Variants in LHFPL3 observed in about 807,000 individuals in gnomAD.
LHFPL3 encodes the protein LHFPL tetraspan subfamily member 3 protein.
LHFPL3 carries 5 observed loss-of-function variants against 19.3 expected under a neutral mutation model. The observed-to-expected ratio is 0.26, with a 90% CI of 0.14 to 0.54. LHFPL3 has a LOEUF of 0.54. Ranked by LOEUF, LHFPL3 falls within the 20% of genes least tolerant of loss-of-function variation. LHFPL3 has a pLI of 0.94. For missense variants in LHFPL3, 249 were observed against 307.4 expected, an observed-to-expected ratio of 0.81 and a Z score of 1.42; for synonymous variants, 133 against 126.2, an observed-to-expected ratio of 1.05 and a Z score of -0.36.
At chr7:104,629,826 G>C (rs1353309877) in intron 1 of LHFPL3, among the ~76,000 whole-genome samples, 2 of 152,162 alleles carry the variant, frequency 1.3e-5, no homozygotes, top group Non-Finnish European at 2.9e-5. Context: ...AGCCACATTG[G>C]ATGGGATTCA....
chr7:104,464,266 C>A (rs1021323388), intron 1 of LHFPL3, among the ~76,000 whole-genome samples: 4 of 152,200 alleles, frequency 2.6e-5, no homozygotes, highest in Non-Finnish European at 5.9e-5. Context: ...GCCCCTGTGT[C>A]TTTGCAGGGT....
At chr7:104,355,739 T>G (rs192949566) in intron 1 of LHFPL3, among the ~76,000 whole-genome samples, 80 of 152,262 alleles carry the variant, frequency 5.3e-4, no homozygotes, top group Admixed American at 3.9e-3. Context: ...TTCTCAAAAG[T>G]AAGTGTCGCA....
chr7:104,664,903 C>A (rs1405921933), intron 1 of LHFPL3, among the ~76,000 whole-genome samples: 1 of 151,650 alleles, frequency 6.6e-6, no homozygotes, highest in Non-Finnish European at 1.5e-5. Context: ...TGGCTGGACA[C>A]AACTCTACAT....
At chr7:104,702,429 A>G (rs1438986673) in intron 1 of LHFPL3, among the ~76,000 whole-genome samples, 3 of 151,912 alleles carry the variant, frequency 2.0e-5, no homozygotes, top group Non-Finnish European at 2.9e-5. Flanking sequence ...TTAATTTTCC[A>G]CTCACGATTC....
intron 1 of LHFPL3, among the ~76,000 whole-genome samples, chr7:104,662,459 A>G (rs1481750372): frequency 6.6e-6 from 1 of 152,192 alleles, no homozygotes; most frequent in Non-Finnish European, 1.5e-5. Context: ...ACTGAGAACA[A>G]TGACCCTTAA....
intron 1 of LHFPL3, among the ~76,000 whole-genome samples, chr7:104,556,161 A>G (rs1789827299): frequency 6.6e-6 from 1 of 152,102 alleles, no homozygotes; most frequent in African/African-American, 2.4e-5. Context: ...CAGTGGATCT[A>G]CTATTCTAGG....
At chr7:104,540,545 C>T (rs879815273) in intron 1 of LHFPL3, among the ~76,000 whole-genome samples, 2 of 152,044 alleles carry the variant, frequency 1.3e-5, no homozygotes, top group Admixed American at 6.6e-5. Flanking sequence ...AAGTTAATTT[C>T]GATATAATAA....
chr7:104,346,284 C>A (rs903036254), intron 1 of LHFPL3, among the ~76,000 whole-genome samples: 7 of 151,654 alleles, frequency 4.6e-5, no homozygotes, highest in African/African-American at 1.5e-4. Flanking sequence ...GATCCACCCA[C>A]CTTGGCCTCC....
intron 1 of LHFPL3, among the ~76,000 whole-genome samples, chr7:104,421,847 G>A (rs1156366928): frequency 6.6e-6 from 1 of 152,166 alleles, no homozygotes; most frequent in Non-Finnish European, 1.5e-5. Context: ...ATGGTGTTAG[G>A]AGGTGGGGCA....
chr7:104,884,367 G>C (rs1487039162), intron 2 of LHFPL3, among the ~76,000 whole-genome samples: 1 of 152,024 alleles, frequency 6.6e-6, no homozygotes, highest in African/African-American at 2.4e-5. Flanking sequence ...CCGCTCCCCT[G>C]TCCCCAAGTT....
intron 1 of LHFPL3, among the ~76,000 whole-genome samples, chr7:104,660,803 G>A (rs1792212074): frequency 6.6e-6 from 1 of 152,110 alleles, no homozygotes. Flanking sequence ...TATTCATTTT[G>A]CATAATACAC....
chr7:104,851,247 G>C (rs538830572), intron 2 of LHFPL3, among the ~76,000 whole-genome samples: 3 of 152,174 alleles, frequency 2.0e-5, no homozygotes, highest in African/African-American at 7.2e-5. Flanking sequence ...AAAGAAATAT[G>C]AATTAGTGAG....
At chr7:104,344,492 C>G (rs1435581338) in intron 1 of LHFPL3, among the ~76,000 whole-genome samples, 1 of 152,198 alleles carries the variant, frequency 6.6e-6, no homozygotes, top group East Asian at 1.9e-4. Context: ...TTAGCTCCCA[C>G]TTAAAAGTGA....
intron 1 of LHFPL3, among the ~76,000 whole-genome samples, chr7:104,527,382 T>C (rs1180431948): frequency 6.6e-6 from 1 of 151,904 alleles, no homozygotes; most frequent in African/African-American, 2.4e-5. Flanking sequence ...AATAATTGAG[T>C]AGGAGTTCAT....
At chr7:104,388,862 A>G (rs1031346858) in intron 1 of LHFPL3, among the ~76,000 whole-genome samples, 2 of 152,180 alleles carry the variant, frequency 1.3e-5, no homozygotes, top group African/African-American at 4.8e-5. Flanking sequence ...CAAACTAGAA[A>G]TAGAAGGGAA....
intron 2 of LHFPL3, among the ~76,000 whole-genome samples, chr7:104,818,997 T>C (rs1037751476): frequency 4.6e-5 from 7 of 152,170 alleles, no homozygotes; most frequent in Non-Finnish European, 8.8e-5. Context: ...AATAGCTATA[T>C]AGAACTTTAT....
At chr7:104,862,870 G>A (rs904929180) in intron 2 of LHFPL3, among the ~76,000 whole-genome samples, 5 of 152,180 alleles carry the variant, frequency 3.3e-5, no homozygotes, top group Admixed American at 6.5e-5. Flanking sequence ...CTGCCGAGTC[G>A]GAGCTGGAAG....
chr7:104,901,265 A>C (rs1373575923), intron 2 of LHFPL3, among the ~76,000 whole-genome samples: 1 of 152,142 alleles, frequency 6.6e-6, no homozygotes, highest in African/African-American at 2.4e-5. Context: ...TAACATTCTA[A>C]TTTTACTCCC....
chr7:104,692,655 AC>A (rs1196131983), intron 1 of LHFPL3, among the ~76,000 whole-genome samples: 2 of 152,262 alleles, frequency 1.3e-5, no homozygotes, highest in Non-Finnish European at 2.9e-5. Context: ...GGCAGCTTAC[AC>A]ACGGTGTTGG....
Sources: gnomAD v4.1 joint callset for allele counts (sites outside exome capture counted in the v4.1 genomes callset) on GRCh38, gnomAD v4.1.1 for gene constraint, MANE v1.5 for transcripts, NCBI Gene and HGNC (gene_info 2026-07-23, HGNC 2026-07-21) for gene names.